The following HMGB1 variants were observed in gnomAD, a reference collection of about 807,000 sequenced individuals.
HMGB1 encodes the protein high mobility group box 1.
For missense variants in HMGB1, 79 were observed against 253.5 expected, an observed-to-expected ratio of 0.31 and a Z score of 4.67; for synonymous variants, 81 against 84.0, an observed-to-expected ratio of 0.96 and a Z score of 0.19.
chr13:30,490,262 T>C (rs1279747089), intron 1 of HMGB1, among the ~76,000 whole-genome samples: 15 of 152,154 alleles, frequency 9.9e-5, no homozygotes, highest in African/African-American at 3.6e-4. Context: ...TATTTTCCCT[T>C]GCCTTATCAC....
chr13:30,474,759 C>CT (rs549499620), intron 1 of HMGB1, among the ~76,000 whole-genome samples: 8,074 of 92,536 alleles, frequency 0.087, 848 homozygotes, highest in East Asian at 0.31. Flanking sequence ...TCTCTCTCTC[C>CT]TTTTTTTTTT....
At chr13:30,515,800 A>T (rs1006945406) in intron 1 of HMGB1, among the ~76,000 whole-genome samples, 2 of 152,140 alleles carry the variant, frequency 1.3e-5, no homozygotes, top group African/African-American at 4.8e-5. Context: ...CAGGGGCTAC[A>T]TTGTAGTTTC....
chr13:30,502,410 C>A (rs1485150665), intron 1 of HMGB1, among the ~76,000 whole-genome samples: 3 of 152,114 alleles, frequency 2.0e-5, no homozygotes, highest in African/African-American at 7.2e-5. Context: ...TAAGGCCCAT[C>A]CCCCATCTCA....
In HMGB1 at chr13:30,458,254, A is replaced by G. The variant is rs1292455095; in HGVS notation, c.*3103T>C. The G allele has an allele frequency of 6.6e-6, 1 of 152,062 alleles. No homozygotes were observed. Among genetic ancestry groups the G allele is most frequent in the Admixed American group, 6.5e-5 (1 of 15,272 alleles). 9.4% of individuals were successfully genotyped at this position (152,062 alleles called of 1,614,324 possible). The stretch of plus-strand genomic sequence containing the variant: ...TTGTACCAAGCAGACCTAAATGTGA[A>G]CTTTCATCAAGGACTATGTGATGTC... On this transcript the variant is annotated 3_prime_UTR_variant, in exon 5 of 5. Coordinates refer to ENST00000341423, the MANE Select transcript of HMGB1 (RefSeq NM_002128.7).
chr13:30,486,411 C>T (rs1566002870), intron 1 of HMGB1, among the ~76,000 whole-genome samples: 1 of 152,146 alleles, frequency 6.6e-6, no homozygotes, highest in Non-Finnish European at 1.5e-5. Flanking sequence ...TTTGCCGGCT[C>T]TGGGGGAGAG....
intron 1 of HMGB1, among the ~76,000 whole-genome samples, chr13:30,496,859 G>C (rs1339351648): frequency 6.6e-6 from 1 of 151,918 alleles, no homozygotes; most frequent in Non-Finnish European, 1.5e-5. Context: ...CCTTCCATCA[G>C]ATCAATGCCT....
chr13:30,463,564 T>G lies in HMGB1; in HGVS notation c.117A>C (p.Ser39=). The change falls in exon 2 of 5, where the codon TCA becomes TCC. Residue 39 remains serine, a synonymous_variant. Coordinates refer to ENST00000341423, the MANE Select transcript of HMGB1 (RefSeq NM_002128.7). ...TCTCTGAGCACTTCTTAGAAAACTC[T>G]GAGAAGTTGACTGAAGCATCTGGGT... ...KKHPDASVNF[S]EFSKKCSERW... is the part of the protein sequence containing the mutation. The G allele has an allele frequency of 6.2e-7, 1 of 1,612,130 alleles. No homozygotes were observed. Among genetic ancestry groups the G allele is most frequent in the Non-Finnish European group, 8.5e-7 (1 of 1,179,450 alleles).
upstream of HMGB1, among the ~76,000 whole-genome samples, chr13:30,467,130 T>C (rs1886811329): frequency 6.6e-6 from 1 of 152,238 alleles, no homozygotes; most frequent in South Asian, 2.1e-4. Context: ...TTCTGAAGAC[T>C]CTACAGTTAT....
At chr13:30,549,430 T>C (rs1181847367) in intron 1 of HMGB1, among the ~76,000 whole-genome samples, 1 of 152,216 alleles carries the variant, frequency 6.6e-6, no homozygotes, top group Non-Finnish European at 1.5e-5. Flanking sequence ...CTCACGCTGT[T>C]GCCCAGGCTG....
chr13:30,495,610 T>G (rs1887593196), intron 1 of HMGB1, among the ~76,000 whole-genome samples: 1 of 151,920 alleles, frequency 6.6e-6, no homozygotes, highest in Non-Finnish European at 1.5e-5. Context: ...TCCCGAATAG[T>G]TGGGACTACA....
chr13:30,550,051 T>C (rs947235003), intron 1 of HMGB1, among the ~76,000 whole-genome samples: 2 of 151,806 alleles, frequency 1.3e-5, no homozygotes, highest in Admixed American at 6.5e-5. Context: ...TGATGTTAGA[T>C]TCTTTTATAA....
chr13:30,542,156 TAC>T (rs993899270), intron 1 of HMGB1: 108 of 158,788 alleles, frequency 6.8e-4, no homozygotes, highest in African/African-American at 2.5e-3. Flanking sequence ...CATGGTCTCC[TAC>T]AGTCTGGAGG....
intron 1 of HMGB1, among the ~76,000 whole-genome samples, chr13:30,588,529 T>C (rs1429899194): frequency 2.0e-5 from 3 of 152,162 alleles, no homozygotes; most frequent in Admixed American, 6.5e-5. Flanking sequence ...GGAAACTGCA[T>C]GGTTAAAAGG....
intron 1 of HMGB1, among the ~76,000 whole-genome samples, chr13:30,490,116 C>G (rs1887453019): frequency 6.7e-6 from 1 of 149,910 alleles, no homozygotes; most frequent in Non-Finnish European, 1.5e-5. Context: ...CTTTAGCTAT[C>G]TTCCAGGCAT....
At chr13:30,616,359 TCA>T (rs1399115107) in intron 1 of HMGB1, among the ~76,000 whole-genome samples, 1 of 152,200 alleles carries the variant, frequency 6.6e-6, no homozygotes, top group Non-Finnish European at 1.5e-5. Context: ...AAAATACAAT[TCA>T]GTTTGGTGAT....
At chr13:30,462,837 AATACT>A (rs1886443670) in intron 3 of HMGB1, 125 bp from the exon 4 acceptor site, 3 of 721,954 alleles carry the variant, frequency 4.2e-6, no homozygotes, top group Non-Finnish European at 7.0e-6. Context: ...ACAGGGTGCA[AATACT>A]ATAATATACT....
chr13:30,499,048 G>T (rs1384340404), intron 1 of HMGB1, among the ~76,000 whole-genome samples: 3 of 151,710 alleles, frequency 2.0e-5, no homozygotes, highest in African/African-American at 7.3e-5. Flanking sequence ...CGCCTCCTGG[G>T]TTCAAGTGAT....
intron 1 of HMGB1, among the ~76,000 whole-genome samples, chr13:30,563,261 T>C (rs922188350): frequency 1.3e-5 from 2 of 152,138 alleles, no homozygotes; most frequent in African/African-American, 2.4e-5. Context: ...TCTGACAGAG[T>C]GTTCCCTATA....
At chr13:30,507,268 C>T (rs1887890578) in intron 1 of HMGB1, among the ~76,000 whole-genome samples, 1 of 152,210 alleles carries the variant, frequency 6.6e-6, no homozygotes, top group Non-Finnish European at 1.5e-5. Flanking sequence ...TCAGCTTCAG[C>T]GTCACAACCT....
Sources: gnomAD v4.1 joint callset for allele counts (sites outside exome capture counted in the v4.1 genomes callset) on GRCh38, gnomAD v4.1.1 for gene constraint, MANE v1.5 for transcripts, NCBI Gene and HGNC (gene_info 2026-07-23, HGNC 2026-07-21) for gene names.